The following ELF2 variants were observed in gnomAD, a reference collection of about 807,000 sequenced individuals.
The protein encoded by ELF2 is ETS-related transcription factor Elf-2.
In ELF2, 11 loss-of-function variants were observed where a neutral mutation model predicts 54.8. The observed-to-expected ratio is 0.20, with a 90% CI of 0.13 to 0.33. The LOEUF is 0.33. Ranked by LOEUF, ELF2 falls within the 10% of genes least tolerant of loss-of-function variation. ELF2 has a pLI of 1.00. For missense variants in ELF2, 513 were observed against 703.0 expected (o/e 0.73, Z 3.06); for synonymous variants, 203 against 245.1 (o/e 0.83, Z 1.61).
chr4:139,112,396 T>C (rs1226068648), intron 4 of ELF2, among the ~76,000 whole-genome samples: 1 of 152,228 alleles, frequency 6.6e-6, no homozygotes, highest in Admixed American at 6.5e-5. Context: ...TACACATAGC[T>C]GAAAGCCTGG....
In ELF2 at chr4:139,072,050, A is replaced by C. The variant is rs1191454186; in HGVS notation, c.353-11T>G. The C allele has an allele frequency of 1.9e-6, 3 of 1,605,268 alleles. No individual in the cohort carries two copies. The highest frequency in any genetic ancestry group is 1.8e-5 in the Admixed American group (1 of 56,506). The stretch of plus-strand genomic sequence containing the variant: ...GAACAAACACTTCCACTATAAAAAA[A>C]AGTTGAAAAATTAAAATTTCCCACC... On this transcript the variant is annotated splice_polypyrimidine_tract_variant and intron_variant, in intron 5 of 9. Coordinates refer to ENST00000686138, the MANE Select transcript of ELF2 (RefSeq NM_001331036.3).
At chr4:139,136,363 A>G (rs1738151710) in intron 3 of ELF2, among the ~76,000 whole-genome samples, 1 of 152,118 alleles carries the variant, frequency 6.6e-6, no homozygotes, top group African/African-American at 2.4e-5. Flanking sequence ...TCCTATTCCC[A>G]GTGAATTTGC....
At chr4:139,073,731 A>C (rs1028075441) in intron 4 of ELF2, 164 bp from the exon 5 acceptor site, 8 of 368,630 alleles carry the variant, frequency 2.2e-5, no homozygotes, top group Non-Finnish European at 3.9e-5. Flanking sequence ...CGTCTATATA[A>C]ATTACAGAAA....
chr4:139,161,050 G>A (rs1466442856), intron 1 of ELF2, among the ~76,000 whole-genome samples: 5 of 152,278 alleles, frequency 3.3e-5, no homozygotes, highest in South Asian at 4.1e-4. Context: ...ATACACACAC[G>A]TGTGCCTAGA....
chr4:139,160,240 G>C (rs1457150352), intron 1 of ELF2, among the ~76,000 whole-genome samples: 1 of 152,168 alleles, frequency 6.6e-6, no homozygotes, highest in Non-Finnish European at 1.5e-5. Context: ...AACACTGTGA[G>C]AGCCAAGTTC....
intron 1 of ELF2, among the ~76,000 whole-genome samples, chr4:139,169,773 C>G (rs982992302): frequency 6.7e-6 from 1 of 150,012 alleles, no homozygotes; most frequent in Non-Finnish European, 1.5e-5. Context: ...AGGAGAATGG[C>G]GTGAACCCGG....
chr4:139,059,653 G>A, intron 9 of ELF2, 46 bp from the exon 10 acceptor site: 3 of 1,561,778 alleles, frequency 1.9e-6, no homozygotes, highest in South Asian at 1.2e-5. Context: ...AATGCCAACT[G>A]AGAAAATAGG....
At chr4:139,088,091 A>G (rs115141607) in intron 4 of ELF2, among the ~76,000 whole-genome samples, 2,711 of 152,168 alleles carry the variant, frequency 0.018, 79 homozygotes, top group East Asian at 0.12. Context: ...ATTTGAGACC[A>G]GCCTGGCCAA....
chr4:139,115,011 G>T (rs1984681), intron 4 of ELF2: 16,437 of 1,613,846 alleles, frequency 0.01, 168 homozygotes, highest in Middle Eastern at 0.036. Context: ...CTGTGGGTTT[G>T]TAACAGTCAA....
chr4:139,176,248 G>A (rs889827195), intron 1 of ELF2, among the ~76,000 whole-genome samples: 1 of 152,260 alleles, frequency 6.6e-6, no homozygotes, highest in African/African-American at 2.4e-5. Flanking sequence ...ACCTCCCGGG[G>A]AATAGGGGGA....
At chr4:139,175,238 A>T (rs962648894) in intron 1 of ELF2, among the ~76,000 whole-genome samples, 3 of 152,214 alleles carry the variant, frequency 2.0e-5, no homozygotes, top group Non-Finnish European at 4.4e-5. Context: ...TTAGGACAGA[A>T]AAATCCCAAA....
Position 139,061,856 on chromosome 4 carries a change from A to G in ELF2, c.806+9T>C. The G allele has an allele frequency of 6.2e-7, 1 of 1,610,746 alleles. No homozygotes were observed. The highest frequency in any genetic ancestry group is 8.5e-7 in the Non-Finnish European group (1 of 1,179,002). ...TTTTGTTTGAATACTAGCTCATTTG[A>G]GTTTTTACCTCAAAGCTCGTCCCAT... is the stretch of plus-strand genomic sequence containing the variant. On this transcript the variant is annotated intron_variant, in intron 8 of 9. Transcript: ENST00000686138.
intron 1 of ELF2, among the ~76,000 whole-genome samples, chr4:139,156,613 TTTG>T (rs1740570639): frequency 1.4e-5 from 2 of 143,346 alleles, no homozygotes; most frequent in African/African-American, 2.6e-5. Flanking sequence ...TATATATATA[TTTG>T]TTGTTTTGTT....
chr4:139,160,259 C>T (rs1487994435), intron 1 of ELF2, among the ~76,000 whole-genome samples: 1 of 152,168 alleles, frequency 6.6e-6, no homozygotes, highest in Non-Finnish European at 1.5e-5. Context: ...TCTCAGATGC[C>T]AGCCAATGGC....
intron 1 of ELF2, among the ~76,000 whole-genome samples, chr4:139,176,161 G>T (rs1243612975): frequency 1.3e-5 from 2 of 152,180 alleles, no homozygotes; most frequent in Admixed American, 1.3e-4. Flanking sequence ...TCCAGAAGGC[G>T]GTCACTGGAC....
At chr4:139,140,519 G>T (rs72931832) in intron 1 of ELF2, among the ~76,000 whole-genome samples, 3,016 of 152,260 alleles carry the variant, frequency 0.02, 39 homozygotes, top group African/African-American at 0.04. Flanking sequence ...TTTGGGAGAG[G>T]AAGGCAGAAG....
At chr4:139,060,709 T>C in intron 8 of ELF2, 35 bp from the exon 9 acceptor site, 1 of 1,529,590 alleles carries the variant, frequency 6.5e-7, no homozygotes, top group East Asian at 2.3e-5. Context: ...GAATCAAGTA[T>C]ATTATTTCTT....
intron 4 of ELF2, among the ~76,000 whole-genome samples, chr4:139,080,692 T>C (rs1730982925): frequency 6.6e-6 from 1 of 152,100 alleles, no homozygotes; most frequent in South Asian, 2.1e-4. Context: ...ATCCAGACTG[T>C]TCATACACAA....
At chr4:139,175,345 C>T (rs10222890) in intron 1 of ELF2, among the ~76,000 whole-genome samples, 2 of 151,968 alleles carry the variant, frequency 1.3e-5, no homozygotes, top group African/African-American at 4.8e-5. Context: ...TGAGTTAAAT[C>T]ACTAAACTTA....
Sources: allele counts gnomAD v4.1 joint callset (sites outside exome capture counted in the v4.1 genomes callset), GRCh38; gene constraint gnomAD v4.1.1; transcripts MANE v1.5; gene names NCBI Gene and HGNC (gene_info 2026-07-23, HGNC 2026-07-21).